TSNARE1: variants seen among roughly 807,000 people sequenced by gnomAD.
The protein encoded by TSNARE1 is t-SNARE domain containing 1.
Under a neutral mutation model 62.0 loss-of-function variants are expected in TSNARE1, and 49 were observed. The observed-to-expected ratio is 0.79, with a 90% CI of 0.63 to 1.00. The LOEUF is 1.00. Among genes scored for constraint, TSNARE1 ranks in the 50% least tolerant of loss-of-function variants. The probability of loss-of-function intolerance (pLI) is 0.00; values close to 1 mark genes in which losing one functional copy is unlikely to be tolerated. For missense variants in TSNARE1, 755 were observed against 700.1 expected (o/e 1.08, Z -0.88); for synonymous variants, 328 against 294.4 (o/e 1.11, Z -1.17).
intron 9 of TSNARE1, among the ~76,000 whole-genome samples, chr8:142,308,989 A>G (rs1443350350): frequency 1.3e-5 from 2 of 152,194 alleles, no homozygotes; most frequent in East Asian, 3.9e-4. Flanking sequence ...GTAATGTGGC[A>G]TGTTTTTTAA....
At chr8:142,316,869 T>C (rs1384331495) in intron 7 of TSNARE1, among the ~76,000 whole-genome samples, 2 of 151,904 alleles carry the variant, frequency 1.3e-5, no homozygotes, top group African/African-American at 4.8e-5. Flanking sequence ...GTCACATGTA[T>C]TTTCCACAGG....
chr8:142,349,760 C>A (rs1301060970), intron 2 of TSNARE1, among the ~76,000 whole-genome samples: 1 of 152,250 alleles, frequency 6.6e-6, no homozygotes, highest in Non-Finnish European at 1.5e-5. Flanking sequence ...GGTGTCGACA[C>A]ATCCATCTGC....
At chr8:142,225,471 A>T (rs1348824767) in intron 13 of TSNARE1, among the ~76,000 whole-genome samples, 2 of 147,202 alleles carry the variant, frequency 1.4e-5, no homozygotes, top group Non-Finnish European at 3.0e-5. Context: ...TGCGGGCTGT[A>T]CCTTAACTGT....
chr8:142,288,739 A>G (rs1453891685), intron 10 of TSNARE1, among the ~76,000 whole-genome samples: 2 of 152,260 alleles, frequency 1.3e-5, no homozygotes, highest in Non-Finnish European at 2.9e-5. Context: ...ACTCACTGCT[A>G]GACTCAGCAG....
At chr8:142,212,841 CCTT>C (rs201377185) in intron 13 of TSNARE1, among the ~76,000 whole-genome samples, 1,899 of 114,392 alleles carry the variant, frequency 0.017, 71 homozygotes, top group African/African-American at 0.06. Flanking sequence ...TGTCCCCTCT[CCTT>C]CTCTTCCCTC....
chr8:142,310,157 T>C (rs1294555375), intron 9 of TSNARE1, among the ~76,000 whole-genome samples: 3 of 152,234 alleles, frequency 2.0e-5, no homozygotes, highest in Non-Finnish European at 4.4e-5. Context: ...AAGAGCCAAT[T>C]ATTTTGGCTT....
intron 1 of TSNARE1, among the ~76,000 whole-genome samples, chr8:142,375,860 G>A (rs1036035966): frequency 6.6e-6 from 1 of 152,182 alleles, no homozygotes; most frequent in African/African-American, 2.4e-5. Flanking sequence ...CACAGGCCCA[G>A]GCTGGGGTTC....
intron 3 of TSNARE1, 60 bp downstream of exon 3, chr8:142,345,683 C>A: frequency 6.7e-7 from 1 of 1,485,870 alleles, no homozygotes; most frequent in South Asian, 1.4e-5. Flanking sequence ...CCCTCCTCAG[C>A]ACCTGCATCT....
At chr8:142,376,805 G>A (rs1010541584) in intron 1 of TSNARE1, among the ~76,000 whole-genome samples, 5 of 152,196 alleles carry the variant, frequency 3.3e-5, no homozygotes, top group Admixed American at 1.3e-4. Context: ...TGCCAGGGAA[G>A]CGTGTGCCGA....
chr8:142,263,464 T>C (rs1277317739), intron 12 of TSNARE1, among the ~76,000 whole-genome samples: 1 of 152,228 alleles, frequency 6.6e-6, no homozygotes, highest in Non-Finnish European at 1.5e-5. Flanking sequence ...ACGGTTTAGT[T>C]CAAGGGGTGG....
At chr8:142,362,671 G>A (rs1443600108) in intron 1 of TSNARE1, among the ~76,000 whole-genome samples, 2 of 152,054 alleles carry the variant, frequency 1.3e-5, no homozygotes, top group Admixed American at 6.5e-5. Context: ...CACCTCTCAC[G>A]GGTCCCACTC....
chr8:142,325,247 C>T (rs1438221739), intron 6 of TSNARE1, among the ~76,000 whole-genome samples: 1 of 152,104 alleles, frequency 6.6e-6, no homozygotes, highest in East Asian at 1.9e-4. Context: ...TGAGACAGGT[C>T]TACAGTTGTC....
intron 12 of TSNARE1, among the ~76,000 whole-genome samples, chr8:142,259,828 G>C (rs566285042): frequency 5.3e-5 from 8 of 152,308 alleles, no homozygotes; most frequent in African/African-American, 1.9e-4. Context: ...AGGGGTTCTG[G>C]AAGGAGACTT....
chr8:142,402,121 G>A (rs1236994158), intron 1 of TSNARE1, among the ~76,000 whole-genome samples: 1 of 152,168 alleles, frequency 6.6e-6, no homozygotes, highest in East Asian at 1.9e-4. Context: ...GAGCGAGCCA[G>A]GAACTAAAAG....
At chr8:142,229,064 T>TGGTG (rs1010659286) in intron 13 of TSNARE1, among the ~76,000 whole-genome samples, 2 of 141,382 alleles carry the variant, frequency 1.4e-5, no homozygotes, top group African/African-American at 2.7e-5. Context: ...GATGGATAAA[T>TGGTG]GGTGGGTGGG....
At chr8:142,232,175 G>A (rs570162194) in intron 12 of TSNARE1, among the ~76,000 whole-genome samples, 11 of 152,342 alleles carry the variant, frequency 7.2e-5, no homozygotes, top group African/African-American at 9.6e-5. Context: ...TCTGCAGGCC[G>A]AGGTGCATGC....
intron 1 of TSNARE1, among the ~76,000 whole-genome samples, chr8:142,372,435 A>G (rs999639575): frequency 9.8e-5 from 15 of 152,358 alleles, no homozygotes; most frequent in African/African-American, 3.6e-4. Flanking sequence ...TCAGCCTTAC[A>G]GCAGCCACAG....
chr8:142,277,882 C>A (rs771577785), intron 11 of TSNARE1: 25 of 985,430 alleles, frequency 2.5e-5, no homozygotes, highest in Non-Finnish European at 3.0e-5. Flanking sequence ...CTGGGCCACA[C>A]CAGTGCCACC....
At chr8:142,355,485 C>CT (rs1193729048) in intron 1 of TSNARE1, among the ~76,000 whole-genome samples, 3 of 152,202 alleles carry the variant, frequency 2.0e-5, no homozygotes, top group African/African-American at 7.2e-5. Context: ...CCGGCCGTCC[C>CT]TGGAATGGGG....
Sources: allele counts gnomAD v4.1 joint callset (sites outside exome capture counted in the v4.1 genomes callset), GRCh38; gene constraint gnomAD v4.1.1; transcripts MANE v1.5; gene names NCBI Gene and HGNC (gene_info 2026-07-23, HGNC 2026-07-21).